EFNA2: variants seen among roughly 807,000 people sequenced by gnomAD.
EFNA2 encodes the protein ephrin-A2.
In EFNA2, 18 loss-of-function variants were observed where a neutral mutation model predicts 19.7. That is an observed-to-expected ratio of 0.91 (90% CI 0.63 to 1.35). The LOEUF is 1.35. Ranked by LOEUF, EFNA2 falls within the 40% of genes most tolerant of loss-of-function variation. The pLI, the probability that EFNA2 is intolerant of heterozygous loss-of-function variation, is 0.00. For synonymous variants in EFNA2, 187 were observed against 137.8 expected, an observed-to-expected ratio of 1.36 and a Z score of -2.50; for missense variants, 303 against 296.0, an observed-to-expected ratio of 1.02 and a Z score of -0.17.
Position 1,286,173 on chromosome 19 carries a change from C to T in EFNA2, c.5C>T (p.Ala2Val). The change falls in exon 1 of 4, where the codon GCG (alanine) becomes GTG (valine). Residue 2 changes from alanine (A) to valine (V), a missense_variant. By Grantham distance (64) the Ala-to-Val change is moderately conservative (BLOSUM62 0). Coordinates refer to ENST00000215368, the MANE Select transcript of EFNA2 (RefSeq NM_001405.4). This position sits in a 1 kb window ranked among gnomAD's most constrained non-coding sequence, Gnocchi z 5.6. M[A>V]PAQRPLLPLL... ...CGCGGCGGCCGGACCGGGGCCATGG[C>T]GCCCGCGCAGCGCCCGCTGCTCCCG... 1.0e-6 allele frequency: 1 copy of T among 1,001,278 alleles called. No homozygotes were observed. Among genetic ancestry groups the T allele is most frequent in the Non-Finnish European group, 1.2e-6 (1 of 838,228 alleles). The allele number at this position is 1,001,278 out of a possible 1,614,324, so 62.0% of individuals were successfully genotyped here.
chr19:1,291,780 C>A (rs1025267968), intron 1 of EFNA2, among the ~76,000 whole-genome samples: 1 of 152,280 alleles, frequency 6.6e-6, no homozygotes, highest in East Asian at 1.9e-4. Context: ...GACAATTGCC[C>A]GATTGGAGCT....
At position 1,287,156 on chromosome 19, in the gene EFNA2, C is replaced by T. The variant is rs755726038; in HGVS notation, c.140+848C>T. ...GGGGACAGGAGAAGCCCCCGTTGGT[C>T]AGAGCAAAAAAAGTTTGCCGGGGCC... is the stretch of plus-strand genomic sequence containing the variant. On this transcript the variant is annotated intron_variant, in intron 1 of 3. Transcript: ENST00000215368. This position sits in a 1 kb window ranked among gnomAD's most constrained non-coding sequence, Gnocchi z 6.2. 1.3e-5 allele frequency among the ~76,000 whole-genome samples: 2 copies of T among 152,198 alleles called. No homozygotes were observed. The highest frequency in any genetic ancestry group is 4.1e-4 in the South Asian group (2 of 4,832).
rs961321793 is a variant in EFNA2 at position 1,300,957 on chromosome 19, G to A, written c.*1012G>A. On this transcript the variant is annotated 3_prime_UTR_variant, in exon 4 of 4. Transcript: ENST00000215368. ...ATGTTTTTTCAGCCCTTCATAGGGG[G>A]TCTTTTATTTTGGTGGGGGGGTGGG... 1.9e-4 allele frequency among the ~76,000 whole-genome samples: 28 copies of A among 150,010 alleles called. No homozygotes were observed. The highest frequency in any genetic ancestry group is 3.5e-4 in the Non-Finnish European group (24 of 67,806).
At position 1,296,107 on chromosome 19, in the gene EFNA2, T is replaced by C. The variant is rs1053506914; in HGVS notation, c.454+249T>C. Among the ~76,000 whole-genome samples, 2 of 152,092 alleles carry C rather than the reference T, an allele frequency of 1.3e-5. No homozygotes were observed. The highest frequency in any genetic ancestry group is 2.4e-5 in the African/African-American group (1 of 41,392). ...TGACCCACCCCGGTCACTGACCCCCTCCAGATGTCAAGTGCATGATGGACG... is the reference window on the plus strand; with the variant it reads ...TGACCCACCCCGGTCACTGACCCCCCCCAGATGTCAAGTGCATGATGGACG... On this transcript the variant is annotated intron_variant, in intron 2 of 3. Coordinates refer to ENST00000215368, the MANE Select transcript of EFNA2 (RefSeq NM_001405.4). This position sits in a 1 kb window ranked among gnomAD's most constrained non-coding sequence, Gnocchi z 4.4.
At chr19:1,299,502 G>A (rs1336689877) in intron 3 of EFNA2, among the ~76,000 whole-genome samples, 1 of 151,184 alleles carries the variant, frequency 6.6e-6, no homozygotes, top group Non-Finnish European at 1.5e-5. Context: ...GTTGCAGTGA[G>A]CCCAGATTGC....
In EFNA2 at chr19:1,294,061, C is replaced by T. The variant is rs1026870317; in HGVS notation, c.141-1484C>T. Among the ~76,000 whole-genome samples the T allele has an allele frequency of 2.6e-5, 4 of 152,240 alleles. No individual in the cohort carries two copies. Among genetic ancestry groups the T allele is most frequent in the South Asian group, 2.1e-4 (1 of 4,838 alleles). On this transcript the variant is annotated intron_variant, in intron 1 of 3. Coordinates refer to ENST00000215368, the MANE Select transcript of EFNA2 (RefSeq NM_001405.4). The surrounding 1 kb of genome is among the most constrained non-coding windows in gnomAD (Gnocchi z 5.8). ...GCCGGGCTAGAGGCAGTGCCAGGGCCGGGATCGTAGCAGCCTGCACCCATG... is the reference window on the plus strand; with the variant it reads ...GCCGGGCTAGAGGCAGTGCCAGGGCTGGGATCGTAGCAGCCTGCACCCATG...
intron 1 of EFNA2, among the ~76,000 whole-genome samples, chr19:1,292,108 G>A (rs904963495): frequency 1.3e-5 from 2 of 152,234 alleles, no homozygotes; most frequent in South Asian, 2.1e-4. Flanking sequence ...TGGAGGAAGC[G>A]AAGGCTTTGT....
At chr19:1,291,936 G>A (rs1002061015) in intron 1 of EFNA2, among the ~76,000 whole-genome samples, 8 of 152,216 alleles carry the variant, frequency 5.3e-5, no homozygotes, top group African/African-American at 1.9e-4. Flanking sequence ...TTGAGTGAGT[G>A]TGGGGGGAAG....
chr19:1,295,398 C>T lies in EFNA2; in HGVS notation c.141-147C>T. ...TCCCCCCTGGCGCACCCTGACCCGT[C>T]CCCCGTGCTCCTGACCCCGGCCCTC... On this transcript the variant is annotated intron_variant, in intron 1 of 3. Coordinates refer to ENST00000215368, the MANE Select transcript of EFNA2 (RefSeq NM_001405.4). This position sits in a 1 kb window ranked among gnomAD's most constrained non-coding sequence, Gnocchi z 5.8. 1.3e-6 allele frequency: 1 copy of T among 752,540 alleles called. No individual in the cohort carries two copies. The highest frequency in any genetic ancestry group is 2.0e-6 in the Non-Finnish European group (1 of 493,336). The allele number at this position is 752,540 out of a possible 1,614,324, so 46.6% of individuals were successfully genotyped here.
At chr19:1,288,805 C>A (rs1033233329) in intron 1 of EFNA2, among the ~76,000 whole-genome samples, 2 of 152,138 alleles carry the variant, frequency 1.3e-5, no homozygotes, top group Admixed American at 6.5e-5. Flanking sequence ...TGGCCGGCCC[C>A]GCCACTCCCA....
chr19:1,284,902 C>T (rs1011465304), upstream of EFNA2, among the ~76,000 whole-genome samples: 8 of 152,192 alleles, frequency 5.3e-5, no homozygotes, highest in African/African-American at 1.9e-4. The surrounding 1 kb of genome is among the most constrained non-coding windows in gnomAD (Gnocchi z 5.3). Context: ...GACAGCCTAC[C>T]CTCCACAAGC....
intron 1 of EFNA2, among the ~76,000 whole-genome samples, chr19:1,293,780 G>C (rs1266165935): frequency 6.6e-6 from 1 of 152,226 alleles, no homozygotes; most frequent in Non-Finnish European, 1.5e-5. Flanking sequence ...GAAATTCTTT[G>C]CTCTGGAGAT....
chr19:1,293,363 A>G (rs992175115), intron 1 of EFNA2, among the ~76,000 whole-genome samples: 5 of 152,186 alleles, frequency 3.3e-5, no homozygotes, highest in South Asian at 2.1e-4. Flanking sequence ...CGGCCGGCCA[A>G]TGGGGCAGCC....
At chr19:1,285,814 C>T (rs1256440622), upstream of EFNA2, among the ~76,000 whole-genome samples, 11 of 148,286 alleles carry the variant, frequency 7.4e-5, no homozygotes, top group East Asian at 2.0e-3. This position sits in a 1 kb window ranked among gnomAD's most constrained non-coding sequence, Gnocchi z 4.1. Context: ...CCCGCGCGGC[C>T]GGGGCACGGC....
chr19:1,287,429 C>T lies in EFNA2; in HGVS notation c.140+1121C>T, dbSNP rs1037457714. 4.6e-5 allele frequency among the ~76,000 whole-genome samples: 7 copies of T among 152,176 alleles called. No individual in the cohort carries two copies. The highest frequency in any genetic ancestry group is 4.1e-4 in the South Asian group (2 of 4,832). On this transcript the variant is annotated intron_variant, in intron 1 of 3. Transcript: ENST00000215368. The surrounding 1 kb of genome is among the most constrained non-coding windows in gnomAD (Gnocchi z 6.2). ...GGTCACTTTCTCTCCGTTTTCCAGC[C>T]GCTTCCTGTGCCGACCGAGCCGCCC...
In EFNA2 at chr19:1,292,158, TC is replaced by T. The variant is rs34954578; in HGVS notation, c.141-3381del. 2.6e-5 allele frequency among the ~76,000 whole-genome samples: 4 copies of T among 151,912 alleles called. No individual in the cohort carries two copies. In the East Asian group the frequency reaches 5.8e-4, roughly 22 times the overall value. ...GTGCGGTTTTGGGGTGGGGGCCCCC[TC>T]CCCCCTGCAGGCGCCACCCTCAACA... On this transcript the variant is annotated intron_variant, in intron 1 of 3. Coordinates refer to ENST00000215368, the MANE Select transcript of EFNA2 (RefSeq NM_001405.4).
Position 1,295,833 on chromosome 19 carries a change from G to C in EFNA2, c.429G>C (p.Arg143=). The C allele has an allele frequency of 6.2e-7, 1 of 1,605,478 alleles. No homozygotes were observed. Among genetic ancestry groups the C allele is most frequent in the Non-Finnish European group, 8.5e-7 (1 of 1,177,720 alleles). ...FTPFSLGFEF[R]PGHEYYYISA... is the part of the protein sequence containing the mutation. ...CCTTCTCCCTGGGCTTCGAGTTCCG[G>C]CCCGGCCACGAGTATTACTACATCT... Residue 143 remains arginine, a synonymous_variant, in exon 2 of 4, where the codon CGG becomes CGC. Transcript: ENST00000215368. The surrounding 1 kb of genome is among the most constrained non-coding windows in gnomAD (Gnocchi z 5.8).
At position 1,300,241 on chromosome 19, in the gene EFNA2, A is replaced by ATGTTT. The variant is rs2081535655; in HGVS notation, c.*297_*298insGTTTT. 2.3e-5 allele frequency: 1 copy of ATGTTT among 42,650 alleles called. No homozygotes were observed. Among genetic ancestry groups the ATGTTT allele is most frequent in the Non-Finnish European group, 4.5e-5 (1 of 22,124 alleles). The allele number at this position is 42,650 out of a possible 1,614,324, so 2.6% of individuals were successfully genotyped here. A position where few individuals can be genotyped will look rare whatever the true frequency, so the allele number is the denominator to read the frequency against. On this transcript the variant is annotated 3_prime_UTR_variant, in exon 4 of 4. Transcript: ENST00000215368. ...CGGAGAACCCGGGAACCTCTTGGCG[A>ATGTTT]TTTTTTTTTTTTTTTTTTTTTTTTT...
At position 1,297,690 on chromosome 19, in the gene EFNA2, G is replaced by A. The variant is rs955625174; in HGVS notation, c.455-861G>A. Among the ~76,000 whole-genome samples, 1 of 152,020 alleles carries A rather than the reference G, an allele frequency of 6.6e-6. No homozygotes were observed. The highest frequency in any genetic ancestry group is 1.5e-5 in the Non-Finnish European group (1 of 67,996). On this transcript the variant is annotated intron_variant, in intron 2 of 3. Coordinates refer to ENST00000215368, the MANE Select transcript of EFNA2 (RefSeq NM_001405.4). This position sits in a 1 kb window ranked among gnomAD's most constrained non-coding sequence, Gnocchi z 5.0. ...TCCTCCTCTCTTGATCCTTGCAGACGCCCCCACTGCACTCCAGGATGCTTC... is the reference window on the plus strand; with the variant it reads ...TCCTCCTCTCTTGATCCTTGCAGACACCCCCACTGCACTCCAGGATGCTTC...
Sources: allele counts gnomAD v4.1 joint callset (sites outside exome capture counted in the v4.1 genomes callset), GRCh38; gene constraint gnomAD v4.1.1; non-coding constraint Gnocchi (gnomAD v3.1); transcripts MANE v1.5; gene names NCBI Gene and HGNC (gene_info 2026-07-23, HGNC 2026-07-21).